Variants in FGF12 observed in about 807,000 individuals in gnomAD.
FGF12 encodes the protein fibroblast growth factor 12, also known as fibroblast growth factor 12B.
Under a neutral mutation model 23.6 loss-of-function variants are expected in FGF12, and 14 were observed. The observed-to-expected ratio is 0.59, with a 90% CI of 0.39 to 0.93. The LOEUF is 0.93. FGF12 is among the 40% of genes least tolerant of loss of function. The probability of loss-of-function intolerance (pLI) is 0.00; values close to 1 mark genes in which losing one functional copy is unlikely to be tolerated. For synonymous variants in FGF12, 62 were observed against 77.3 expected, an observed-to-expected ratio of 0.80 and a Z score of 1.04; for missense variants, 175 against 217.8, an observed-to-expected ratio of 0.80 and a Z score of 1.24.
At chr3:192,652,043 T>C (rs549219191) in intron 2 of FGF12, among the ~76,000 whole-genome samples, 2 of 152,314 alleles carry the variant, frequency 1.3e-5, no homozygotes, top group Admixed American at 1.3e-4. Context: ...GCACCTACTC[T>C]ATGCCAGACA....
At chr3:192,697,382 C>G (rs1226730673) in intron 2 of FGF12, among the ~76,000 whole-genome samples, 2 of 152,172 alleles carry the variant, frequency 1.3e-5, no homozygotes. Flanking sequence ...CAATCTGAGG[C>G]TCTTGCATCA....
chr3:192,505,249 A>G (rs1231823036), intron 2 of FGF12, among the ~76,000 whole-genome samples: 2 of 152,234 alleles, frequency 1.3e-5, no homozygotes, highest in Non-Finnish European at 2.9e-5. Context: ...TAAAGTCAAT[A>G]TGTACACATC....
At chr3:192,698,953 T>C (rs973730578) in intron 2 of FGF12, among the ~76,000 whole-genome samples, 2 of 152,154 alleles carry the variant, frequency 1.3e-5, no homozygotes, top group Non-Finnish European at 2.9e-5. Context: ...CCTTTGACCC[T>C]TTCAGAAAAG....
At chr3:192,300,292 G>A (rs1200654037) in intron 4 of FGF12, among the ~76,000 whole-genome samples, 1 of 152,174 alleles carries the variant, frequency 6.6e-6, no homozygotes, top group Non-Finnish European at 1.5e-5. Flanking sequence ...AAATGATGGT[G>A]CAACTGACTT....
Position 192,408,941 on chromosome 3 carries a change from A to T in FGF12, c.14-48403T>A, listed in dbSNP as rs374493408. On this transcript the variant is annotated intron_variant, in intron 2 of 5. Transcript: ENST00000445105. This position sits in a 1 kb window ranked among gnomAD's most constrained non-coding sequence, Gnocchi z 7.3. Reference sequence around the variant, plus strand: ...CAGGGGCCGGCCACCCGAGTTCTGGAATTCCGAGAGGCGCGAAGTGGGAGC... The same window carrying T: ...CAGGGGCCGGCCACCCGAGTTCTGGTATTCCGAGAGGCGCGAAGTGGGAGC... 2.2e-5 allele frequency: 22 copies of T among 984,984 alleles called. No individual in the cohort carries two copies. The East Asian group carries it at 1.3e-3, about 57-fold the overall frequency. 61.0% of individuals were successfully genotyped at this position (984,984 alleles called of 1,614,324 possible). A position where few individuals can be genotyped will look rare whatever the true frequency, so the allele number is the denominator to read the frequency against.
At chr3:192,287,147 TTTGA>T (rs1449122306) in intron 4 of FGF12, among the ~76,000 whole-genome samples, 1 of 152,068 alleles carries the variant, frequency 6.6e-6, no homozygotes, top group African/African-American at 2.4e-5. Context: ...CCTGTTTCTT[TTTGA>T]TTAACGTTCA....
At chr3:192,396,072 CGTATTGAG>C (rs1720506681) in intron 2 of FGF12, among the ~76,000 whole-genome samples, 2 of 152,108 alleles carry the variant, frequency 1.3e-5, no homozygotes, top group South Asian at 4.1e-4. Flanking sequence ...CTCTTAACCA[CGTATTGAG>C]CCCACACGTG....
Position 192,335,378 on chromosome 3 carries a change from C to T in FGF12, c.211G>A (p.Gly71Ser). The T allele has an allele frequency of 6.2e-7, 1 of 1,611,852 alleles. No homozygotes were observed. The highest frequency in any genetic ancestry group is 8.5e-7 in the Non-Finnish European group (1 of 1,178,166). ...ASLYVAMNGEGYLYSSDVFTP... is the reference protein window; with the variant it reads ...ASLYVAMNGESYLYSSDVFTP... The stretch of plus-strand genomic sequence containing the variant: ...GTACTTACTGAACTGTAGAGATAGC[C>T]TTCACCATTCATGGCCACATAGAGG... Residue 71 changes from glycine (G) to serine (S), a missense_variant, in exon 4 of 6, where the codon GGC becomes AGC. Coordinates refer to ENST00000445105, the MANE Select transcript of FGF12 (RefSeq NM_004113.6).
At chr3:192,278,466 G>A (rs377458493) in intron 4 of FGF12, among the ~76,000 whole-genome samples, 42 of 152,266 alleles carry the variant, frequency 2.8e-4, no homozygotes, top group Non-Finnish European at 5.6e-4. Context: ...ACCTAGGAAC[G>A]TAGAAAGCAA....
At chr3:192,318,501 C>G (rs1371331694) in intron 4 of FGF12, among the ~76,000 whole-genome samples, 31 of 152,022 alleles carry the variant, frequency 2.0e-4, no homozygotes, top group Admixed American at 2.0e-3. Context: ...ACTTGGTGAA[C>G]TTGAAGACAG....
chr3:192,471,262 C>T (rs1400983783), intron 2 of FGF12, among the ~76,000 whole-genome samples: 1 of 152,098 alleles, frequency 6.6e-6, no homozygotes, highest in Non-Finnish European at 1.5e-5. Context: ...CTCTGAGTCC[C>T]TATTTCTATT....
At chr3:192,541,638 G>T (rs967408267) in intron 2 of FGF12, among the ~76,000 whole-genome samples, 2 of 152,026 alleles carry the variant, frequency 1.3e-5, no homozygotes, top group Non-Finnish European at 2.9e-5. Flanking sequence ...ACCTTCAGAT[G>T]ATTTTTTTTG....
At chr3:192,443,548 T>C (rs763105090) in intron 2 of FGF12, among the ~76,000 whole-genome samples, 1 of 152,226 alleles carries the variant, frequency 6.6e-6, no homozygotes, top group Non-Finnish European at 1.5e-5. Flanking sequence ...TGAAAAGCAG[T>C]TGCAACATAA....
intron 4 of FGF12, among the ~76,000 whole-genome samples, chr3:192,200,197 C>T (rs948401701): frequency 2.6e-5 from 4 of 151,528 alleles, no homozygotes; most frequent in Admixed American, 2.0e-4. Context: ...GGTGTGGCTG[C>T]GTGCTCCTGT....
chr3:192,438,728 C>T lies in FGF12; in HGVS notation c.14-78190G>A, dbSNP rs577399166. Among the ~76,000 whole-genome samples the T allele has an allele frequency of 2.0e-5, 3 of 152,260 alleles. No individual in the cohort carries two copies. In the East Asian group the frequency reaches 5.8e-4, roughly 29 times the overall value. On this transcript the variant is annotated intron_variant, in intron 2 of 5. Transcript: ENST00000445105. ...TGATTTGTGAGTATTCCAATAACAACGTTTGTGCTTGACCAGTAGGAGTGG... is the reference window on the plus strand; with the variant it reads ...TGATTTGTGAGTATTCCAATAACAATGTTTGTGCTTGACCAGTAGGAGTGG...
chr3:192,488,057 G>A (rs972433140), intron 2 of FGF12, among the ~76,000 whole-genome samples: 6 of 152,024 alleles, frequency 3.9e-5, no homozygotes, highest in African/African-American at 9.7e-5. Context: ...CAGAAGCATC[G>A]TCTATATCAC....
chr3:192,559,991 C>A (rs1285289634), intron 2 of FGF12, among the ~76,000 whole-genome samples: 1 of 151,916 alleles, frequency 6.6e-6, no homozygotes, highest in Non-Finnish European at 1.5e-5. Flanking sequence ...CATGATATAC[C>A]ATAAAATAAG....
At chr3:192,529,248 A>G (rs1172897484) in intron 2 of FGF12, among the ~76,000 whole-genome samples, 1 of 152,116 alleles carries the variant, frequency 6.6e-6, no homozygotes, top group Non-Finnish European at 1.5e-5. Context: ...CATCTCTCTA[A>G]AGTTCAAAGT....
chr3:192,215,282 CAG>C (rs1378263035), intron 4 of FGF12, among the ~76,000 whole-genome samples: 2 of 152,164 alleles, frequency 1.3e-5, no homozygotes, highest in African/African-American at 2.4e-5. Flanking sequence ...ATCTCTGTCT[CAG>C]AGTCTGTTTT....
Sources: allele counts gnomAD v4.1 joint callset (sites outside exome capture counted in the v4.1 genomes callset), GRCh38; gene constraint gnomAD v4.1.1; non-coding constraint Gnocchi (gnomAD v3.1); transcripts MANE v1.5; gene names NCBI Gene and HGNC (gene_info 2026-07-23, HGNC 2026-07-21).